KMT2C: variants seen among roughly 807,000 people sequenced by gnomAD.
KMT2C encodes histone-lysine N-methyltransferase 2C.
KMT2C carries 88 observed loss-of-function variants against 507.9 expected under a neutral mutation model. The ratio of observed to expected loss-of-function variants is 0.17; its 90% CI spans 0.15 to 0.21. The LOEUF is 0.21. Among genes scored for constraint, KMT2C ranks in the 10% least tolerant of loss-of-function variants. KMT2C has a pLI of 1.00. For missense variants in KMT2C, 4,954 were observed against 5,957.8 expected, an observed-to-expected ratio of 0.83 and a Z score of 5.55; for synonymous variants, 2,049 against 2,080.8, an observed-to-expected ratio of 0.98 and a Z score of 0.42.
Position 152,179,883 on chromosome 7 carries a change from G to A in KMT2C, c.7393C>T (p.Pro2465Ser), listed in dbSNP as rs2129117968. 6.2e-7 allele frequency: 1 copy of A among 1,614,016 alleles called. No individual in the cohort carries two copies. Among genetic ancestry groups the A allele is most frequent in the East Asian group, 2.2e-5 (1 of 44,880 alleles). Residue 2465 changes from proline to serine, a missense_variant, in exon 37 of 59, where the codon CCC becomes TCC. Around this residue, in one of 29 missense-constraint regions of KMT2C, gnomAD observed 1,689 missense variants for 1,654.3 expected, o/e 1.02. Transcript: ENST00000262189. Reference sequence around the variant, plus strand: ...ATACTAGCAACATCAGGAGGATAGGGTCCACGCTGATCTTTTGGGAAAACA... The same window carrying A: ...ATACTAGCAACATCAGGAGGATAGGATCCACGCTGATCTTTTGGGAAAACA... ...YAVFPKDQRG[P>S]YPPDVASMGM...
intron 34 of KMT2C, among the ~76,000 whole-genome samples, chr7:152,184,347 T>C (rs1265498070): frequency 2.6e-5 from 4 of 152,116 alleles, no homozygotes; most frequent in Admixed American, 6.5e-5. Context: ...AATAACTATA[T>C]ATATTTTCCA....
chr7:152,255,142 T>TATATATATATATATATATATAC (rs1273227523), intron 9 of KMT2C, among the ~76,000 whole-genome samples: 1 of 126,368 alleles, frequency 7.9e-6, no homozygotes, highest in Non-Finnish European at 1.6e-5. Context: ...TATATATATA[T>TATATATATATATATATATATAC]ATACATATAT....
At chr7:152,342,690 G>C (rs2097008333) in intron 2 of KMT2C, among the ~76,000 whole-genome samples, 1 of 152,168 alleles carries the variant, frequency 6.6e-6, no homozygotes, top group South Asian at 2.1e-4. Flanking sequence ...ACTACAGAGG[G>C]ACCCAGTCAT....
intron 3 of KMT2C, among the ~76,000 whole-genome samples, chr7:152,318,991 A>C (rs2096747183): frequency 1.3e-5 from 2 of 152,164 alleles, no homozygotes; most frequent in Non-Finnish European, 2.9e-5. Flanking sequence ...AATGCTCCGA[A>C]ATTCAAAACT....
chr7:152,324,232 ATAAC>A, intron 3 of KMT2C, among the ~76,000 whole-genome samples: 1 of 151,560 alleles, frequency 6.6e-6, no homozygotes, highest in Non-Finnish European at 1.5e-5. Context: ...ATATTTTAAA[ATAAC>A]TATTAGTTTG....
intron 9 of KMT2C, among the ~76,000 whole-genome samples, chr7:152,255,119 A>ATATG (rs1554583663): frequency 9.8e-6 from 1 of 101,604 alleles, no homozygotes; most frequent in Non-Finnish European, 1.8e-5. Flanking sequence ...TTATATATAT[A>ATATG]TATATATATA....
rs546934235 is a variant in KMT2C, at chr7:152,150,766, G to T, written c.12774+134C>A. ...CCCTACACCCTCTCCTCCTCTGCCG[G>T]GTCAGCACCTGCTTTGGATTCCCCA... is the stretch of plus-strand genomic sequence containing the variant. On this transcript the variant is annotated intron_variant, in intron 51 of 58. Transcript: ENST00000262189. The T allele has an allele frequency of 3.7e-5, 24 of 650,472 alleles. No individual in the cohort carries two copies. In the East Asian group the frequency reaches 5.9e-4, roughly 16 times the overall value. The allele number at this position is 650,472 out of a possible 1,614,324, so 40.3% of individuals were successfully genotyped here.
chr7:152,226,356 C>G (rs1205546343), intron 18 of KMT2C, among the ~76,000 whole-genome samples: 1 of 151,474 alleles, frequency 6.6e-6, no homozygotes, highest in Non-Finnish European at 1.5e-5. Flanking sequence ...GCTCAGCCTC[C>G]TGAGTAACTA....
In KMT2C at chr7:152,158,844, C is replaced by T. The variant is rs1386696152; in HGVS notation, c.11670+19G>A. ...TCCTTGACTTTTAAAAGAGGCTGCTCTAAATGACTCACCCTCACCTGTTTC... is the reference window on the plus strand; with the variant it reads ...TCCTTGACTTTTAAAAGAGGCTGCTTTAAATGACTCACCCTCACCTGTTTC... On this transcript the variant is annotated intron_variant, in intron 44 of 58. Transcript: ENST00000262189. 5 of 1,610,728 alleles carry T rather than the reference C, an allele frequency of 3.1e-6. No homozygotes were observed. Among genetic ancestry groups the T allele is most frequent in the Non-Finnish European group, 2.5e-6 (3 of 1,176,900 alleles).
chr7:152,140,784 A>G (rs1444160740), intron 55 of KMT2C, among the ~76,000 whole-genome samples: 1 of 152,192 alleles, frequency 6.6e-6, no homozygotes, highest in Non-Finnish European at 1.5e-5. Flanking sequence ...GCCATGTGAG[A>G]GACTTTAGTA....
chr7:152,333,470 T>C (rs1181675682), intron 2 of KMT2C, among the ~76,000 whole-genome samples: 1 of 152,164 alleles, frequency 6.6e-6, no homozygotes, highest in African/African-American at 2.4e-5. Flanking sequence ...ATTTCAACAA[T>C]TTCCTCTGGA....
chr7:152,229,361 C>G (rs1480909920), intron 18 of KMT2C, among the ~76,000 whole-genome samples: 2 of 152,104 alleles, frequency 1.3e-5, no homozygotes, highest in Non-Finnish European at 2.9e-5. Context: ...TGAGACCTGT[C>G]CATATTTAAA....
At chr7:152,178,146 C>T in intron 37 of KMT2C, 136 bp from the exon 38 acceptor site, 1 of 888,326 alleles carries the variant, frequency 1.1e-6, no homozygotes, top group East Asian at 3.2e-5. Context: ...CTTACAAAAG[C>T]AAAGCTATCA....
At chr7:152,290,881 A>G (rs1235214001) in intron 6 of KMT2C, among the ~76,000 whole-genome samples, 1 of 152,042 alleles carries the variant, frequency 6.6e-6, no homozygotes, top group Non-Finnish European at 1.5e-5. Flanking sequence ...ATATTATCCT[A>G]TATTATCTTT....
chr7:152,309,666 G>A (rs536870432), intron 6 of KMT2C, among the ~76,000 whole-genome samples: 14 of 151,448 alleles, frequency 9.2e-5, no homozygotes, highest in African/African-American at 1.7e-4. Context: ...GATTACAGGC[G>A]ACTGCCACCA....
At chr7:152,137,348 CCTT>C (rs1318284785) in intron 58 of KMT2C, 3 of 172,664 alleles carry the variant, frequency 1.7e-5, no homozygotes, top group Non-Finnish European at 2.5e-5. Context: ...TGTTTTCCCT[CCTT>C]CATTTTTCCT....
At chr7:152,367,607 GAATTAAA>G (rs1257679485) in intron 1 of KMT2C, 2 of 1,333,670 alleles carry the variant, frequency 1.5e-6, no homozygotes, top group African/African-American at 2.9e-5. Context: ...CCTTCTCATA[GAATTAAA>G]AAGACTATAC....
chr7:152,192,356 G>C (rs1207660738), intron 31 of KMT2C, among the ~76,000 whole-genome samples: 2 of 151,886 alleles, frequency 1.3e-5, no homozygotes. Flanking sequence ...GCCTGACCAA[G>C]ATGGTGAAAC....
intron 1 of KMT2C, among the ~76,000 whole-genome samples, chr7:152,377,594 G>A (rs2129246065): frequency 6.6e-6 from 1 of 152,122 alleles, no homozygotes; most frequent in South Asian, 2.1e-4. Flanking sequence ...AATAAGCCGG[G>A]CGTGGTGGCA....
Sources: gnomAD v4.1 joint callset for allele counts (sites outside exome capture counted in the v4.1 genomes callset) on GRCh38, gnomAD v4.1.1 for gene constraint, gnomAD v4.1.1 regional missense constraint, MANE v1.5 for transcripts, NCBI Gene and HGNC (gene_info 2026-07-23, HGNC 2026-07-21) for gene names.